NEK1: variants seen among roughly 807,000 people sequenced by gnomAD.
The protein encoded by NEK1 is NIMA related kinase 1, also known as serine/threonine-protein kinase Nek1.
Under a neutral mutation model 182.1 loss-of-function variants are expected in NEK1, and 137 were observed. That is an observed-to-expected ratio of 0.75 (90% CI 0.65 to 0.87). NEK1 has a LOEUF of 0.87. Ranked by LOEUF, NEK1 falls within the 40% of genes least tolerant of loss-of-function variation. The pLI is 0.00. For missense variants in NEK1, 1,391 were observed against 1,494.4 expected, an observed-to-expected ratio of 0.93 and a Z score of 1.14; for synonymous variants, 513 against 492.2, an observed-to-expected ratio of 1.04 and a Z score of -0.56.
At chr4:169,414,857 T>C (rs1734265385) in intron 31 of NEK1, among the ~76,000 whole-genome samples, 2 of 152,178 alleles carry the variant, frequency 1.3e-5, no homozygotes, top group South Asian at 4.1e-4. Context: ...AACAAAATGG[T>C]GAATGAACAA....
At chr4:169,546,349 CTT>C (rs1417245289) in intron 18 of NEK1, among the ~76,000 whole-genome samples, 3 of 152,018 alleles carry the variant, frequency 2.0e-5, no homozygotes, top group African/African-American at 7.2e-5. Flanking sequence ...GTCTGAGACT[CTT>C]TGTTATGATT....
At chr4:169,583,668 G>A (rs1307442281) in intron 10 of NEK1, among the ~76,000 whole-genome samples, 1 of 152,168 alleles carries the variant, frequency 6.6e-6, no homozygotes, top group Non-Finnish European at 1.5e-5. Flanking sequence ...ACCTCAGCAA[G>A]ACTAAATGAA....
intron 23 of NEK1, among the ~76,000 whole-genome samples, chr4:169,482,641 T>TC (rs1748269936): frequency 1.3e-5 from 2 of 151,186 alleles, no homozygotes; most frequent in South Asian, 2.1e-4. Flanking sequence ...AGTAGAACTT[T>TC]TTTTTTTTCT....
At chr4:169,515,500 CTTTT>C (rs199732218) in intron 19 of NEK1, among the ~76,000 whole-genome samples, 151 of 141,696 alleles carry the variant, frequency 1.1e-3, no homozygotes, top group East Asian at 4.6e-3. Flanking sequence ...GCAATAACTT[CTTTT>C]TTTTTTTTTT....
chr4:169,557,078 C>A (rs1174986867), intron 16 of NEK1, among the ~76,000 whole-genome samples: 1 of 151,930 alleles, frequency 6.6e-6, no homozygotes, highest in Non-Finnish European at 1.5e-5. Flanking sequence ...AGTAGTATAT[C>A]AACAGAGTTT....
chr4:169,394,425 C>T lies in NEK1; in HGVS notation c.*85G>A. 2.5e-6 allele frequency: 2 copies of T among 796,520 alleles called. No individual in the cohort carries two copies. The highest frequency in any genetic ancestry group is 1.8e-5 in the South Asian group (1 of 56,942). The allele number at this position is 796,520 out of a possible 1,614,324, so 49.3% of individuals were successfully genotyped here. A position where few individuals can be genotyped will look rare whatever the true frequency, so the allele number is the denominator to read the frequency against. Reference sequence around the variant, plus strand: ...ATCTGATTTTTTAAATAAATAATTGCTGTATTTCCCACTGAAGCTTGTTAT... The same window carrying T: ...ATCTGATTTTTTAAATAAATAATTGTTGTATTTCCCACTGAAGCTTGTTAT... On this transcript the variant is annotated 3_prime_UTR_variant, in exon 36 of 36. Transcript: ENST00000507142.
Position 169,411,392 on chromosome 4 carries a change from T to G in NEK1, c.3223-4645A>C, listed in dbSNP as rs950875849. 3.9e-5 allele frequency among the ~76,000 whole-genome samples: 6 copies of G among 152,170 alleles called. No homozygotes were observed. In the East Asian group the frequency reaches 1.2e-3, roughly 29 times the overall value. On this transcript the variant is annotated intron_variant, in intron 31 of 35. Transcript: ENST00000507142. ...CCCAGGCTGGAGTGCAATGATGCAA[T>G]CTCGGCTCACTGCAGCCTCTGCCTC...
At chr4:169,571,483 AGAGG>A (rs1764844019) in intron 12 of NEK1, among the ~76,000 whole-genome samples, 1 of 152,246 alleles carries the variant, frequency 6.6e-6, no homozygotes, top group Non-Finnish European at 1.5e-5. Flanking sequence ...GGAATGGCGT[AGAGG>A]GATGGTTATT....
At chr4:169,419,422 C>A (rs2111265805) in intron 31 of NEK1, among the ~76,000 whole-genome samples, 1 of 151,808 alleles carries the variant, frequency 6.6e-6, no homozygotes, top group Non-Finnish European at 1.5e-5. Context: ...CAGATAGAAA[C>A]TTGAATTCTG....
chr4:169,574,467 C>T (rs927359658), intron 12 of NEK1, among the ~76,000 whole-genome samples: 43 of 152,070 alleles, frequency 2.8e-4, no homozygotes, highest in Non-Finnish European at 1.3e-4. Flanking sequence ...GGTGTGGTGG[C>T]GGGCGCCTGT....
At chr4:169,586,254 ATCT>A (rs1488915995) in intron 9 of NEK1, among the ~76,000 whole-genome samples, 21 of 152,052 alleles carry the variant, frequency 1.4e-4, no homozygotes, top group Non-Finnish European at 2.1e-4. Context: ...CAATGTTGAT[ATCT>A]TCTTAATATA....
In NEK1 at chr4:169,588,725, G is replaced by T; in HGVS notation, c.475C>A (p.Leu159Met). Reference protein sequence around the residue: ...IARVLNSTVELARTCIGTPYY... With the variant: ...IARVLNSTVEMARTCIGTPYY... ...GGGGTCCCTATGCAAGTTCGAGCCA[G>T]CTCTACAGTACTAGAAGAAAAATAA... The change falls in exon 8 of 36, where the codon CTG becomes ATG. Residue 159 changes from leucine (L) to methionine (M), a missense_variant. Transcript: ENST00000507142. 6.5e-7 allele frequency: 1 copy of T among 1,543,336 alleles called. No individual in the cohort carries two copies. The highest frequency in any genetic ancestry group is 8.8e-7 in the Non-Finnish European group (1 of 1,139,448).
At chr4:169,434,491 G>A (rs1738030670) in intron 28 of NEK1, among the ~76,000 whole-genome samples, 1 of 152,162 alleles carries the variant, frequency 6.6e-6, no homozygotes, top group African/African-American at 2.4e-5. Flanking sequence ...GGGATTACAG[G>A]CGTGAGCCAC....
chr4:169,602,335 G>C (rs1176228752), intron 3 of NEK1, among the ~76,000 whole-genome samples, 179 bp downstream of exon 3: 2 of 151,596 alleles, frequency 1.3e-5, no homozygotes, highest in East Asian at 3.9e-4. Flanking sequence ...ATAAACATAA[G>C]CACATATCAT....
In NEK1 at chr4:169,479,535, C is replaced by G; in HGVS notation, c.2008-1G>C. The G allele has an allele frequency of 6.3e-7, 1 of 1,591,972 alleles. No individual in the cohort carries two copies. The highest frequency in any genetic ancestry group is 8.5e-7 in the Non-Finnish European group (1 of 1,172,676). ...AACTCTTAACTCCTTTAGCCACCAA[C>G]TATAAAAAAGGATTTTATTAAATAC... On this transcript the variant is annotated splice_acceptor_variant, in intron 23 of 35. Transcript: ENST00000507142. LOFTEE classifies it high-confidence loss of function.
At chr4:169,548,448 G>A (rs551249970) in intron 18 of NEK1, among the ~76,000 whole-genome samples, 1 of 152,334 alleles carries the variant, frequency 6.6e-6, no homozygotes, top group South Asian at 2.1e-4. Context: ...CAGGGGTCAG[G>A]GACCCACTTG....
intron 19 of NEK1, among the ~76,000 whole-genome samples, chr4:169,521,075 C>A (rs1755904580): frequency 1.1e-5 from 1 of 87,570 alleles, no homozygotes; most frequent in Non-Finnish European, 2.4e-5. Context: ...CCTAAGCAAG[C>A]CTGGGCAATG....
chr4:169,568,220 A>G (rs892311665), intron 12 of NEK1, among the ~76,000 whole-genome samples: 1 of 152,204 alleles, frequency 6.6e-6, no homozygotes, highest in Non-Finnish European at 1.5e-5. Context: ...AAACACTCCC[A>G]ACTTCCCATC....
chr4:169,537,733 T>C, intron 19 of NEK1, 76 bp downstream of exon 19: 2 of 1,100,294 alleles, frequency 1.8e-6, no homozygotes, highest in Non-Finnish European at 2.8e-6. Context: ...TTCTTTTTAC[T>C]TACACTTACC....
Sources: allele counts gnomAD v4.1 joint callset (sites outside exome capture counted in the v4.1 genomes callset), GRCh38; gene constraint gnomAD v4.1.1; transcripts MANE v1.5; gene names NCBI Gene and HGNC (gene_info 2026-07-23, HGNC 2026-07-21).